Variants in IL1RAPL1 observed in about 807,000 individuals in gnomAD.
IL1RAPL1 encodes the protein interleukin-1 receptor accessory protein-like 1.
A neutral mutation model predicts 48.4 loss-of-function variants in IL1RAPL1; 3 were observed. The ratio of observed to expected loss-of-function variants is 0.06; its 90% CI spans 0.03 to 0.16. IL1RAPL1 has a LOEUF of 0.16. Among genes scored for constraint, IL1RAPL1 ranks in the 10% least tolerant of loss-of-function variants. The probability of loss-of-function intolerance (pLI) is 1.00; values close to 1 mark genes in which losing one functional copy is unlikely to be tolerated. For synonymous variants in IL1RAPL1, 185 were observed against 187.7 expected, an observed-to-expected ratio of 0.99 and a Z score of 0.12; for missense variants, 349 against 530.6, an observed-to-expected ratio of 0.66 and a Z score of 3.36.
At chrX:29,502,432 G>A (rs186889523) in intron 5 of IL1RAPL1, among the ~76,000 whole-genome samples, 1 of 111,201 alleles carries the variant, frequency 9.0e-6, no homozygotes, top group African/African-American at 3.3e-5. Context: ...TTCTCACTTA[G>A]TACAATATTA....
intron 7 of IL1RAPL1, 70 bp downstream of exon 7, chrX:29,917,666 C>A: frequency 1.0e-6 from 1 of 954,184 alleles, no homozygotes; most frequent in Non-Finnish European, 1.5e-6. Context: ...AGAAAGTAAG[C>A]TGAAAGGATT....
Position 29,081,032 on chromosome X carries a change from T to C in IL1RAPL1, c.83-201906T>C, listed in dbSNP as rs867064154. 3.5e-3 allele frequency among the ~76,000 whole-genome samples: 284 copies of C among 81,691 alleles called. 10 individuals carry two copies. Among genetic ancestry groups the C allele is most frequent in the South Asian group, 8.6e-3 (13 of 1,514 alleles). The allele number at this position is 81,691 out of a possible 115,157, so 70.9% of individuals were successfully genotyped here. A position where few individuals can be genotyped will look rare whatever the true frequency, so the allele number is the denominator to read the frequency against. On this transcript the variant is annotated intron_variant, in intron 2 of 10. Coordinates refer to ENST00000378993, the MANE Select transcript of IL1RAPL1 (RefSeq NM_014271.4). Reference sequence around the variant, plus strand: ...TCTCTCTCTCTCTCTTTCTTTTCTTTTCTTTTCTTTTCTTTTCTTTTCTTT... The same window carrying C: ...TCTCTCTCTCTCTCTTTCTTTTCTTCTCTTTTCTTTTCTTTTCTTTTCTTT...
chrX:29,137,865 A>G (rs1471482464), intron 2 of IL1RAPL1, among the ~76,000 whole-genome samples: 1 of 112,766 alleles, frequency 8.9e-6, no homozygotes, highest in Non-Finnish European at 1.9e-5. Flanking sequence ...GTGACCTTTT[A>G]TAAGTCACTT....
intron 2 of IL1RAPL1, among the ~76,000 whole-genome samples, chrX:29,030,669 A>T (rs952540264): frequency 9.0e-6 from 1 of 111,651 alleles, no homozygotes; most frequent in African/African-American, 3.2e-5. Context: ...AATATGTTGA[A>T]CATGGTAGTT....
chrX:29,869,123 G>A (rs768957516), intron 6 of IL1RAPL1, among the ~76,000 whole-genome samples: 18 of 111,964 alleles, frequency 1.6e-4, no homozygotes, highest in Non-Finnish European at 3.0e-4. Flanking sequence ...TATATCTCCT[G>A]GAATTTTAAA....
intron 1 of IL1RAPL1, among the ~76,000 whole-genome samples, chrX:28,654,601 G>T (rs182498571): frequency 8.9e-6 from 1 of 112,255 alleles, no homozygotes; most frequent in Non-Finnish European, 1.9e-5. Context: ...TGTTTGTCAA[G>T]ATTATGTCAG....
chrX:29,855,031 C>A (rs1180987224), intron 6 of IL1RAPL1, among the ~76,000 whole-genome samples: 1 of 112,020 alleles, frequency 8.9e-6, no homozygotes, highest in Non-Finnish European at 1.9e-5. Flanking sequence ...ACACCCATGG[C>A]TGTCACTGAA....
At chrX:29,802,864 C>T (rs1206851599) in intron 6 of IL1RAPL1, among the ~76,000 whole-genome samples, 9 of 75,111 alleles carry the variant, frequency 1.2e-4, no homozygotes, top group African/African-American at 4.4e-4. Context: ...TATACGTGTA[C>T]ATATGTATAC....
Position 29,715,652 on chromosome X carries a change from C to A in IL1RAPL1, c.778+47148C>A, listed in dbSNP as rs144094808. ...TTCTGGCTAAGCATTCTTTTCTACC[C>A]TATCCTGCTTCTTCCACTCTCCTTC... On this transcript the variant is annotated intron_variant, in intron 6 of 10. Coordinates refer to ENST00000378993, the MANE Select transcript of IL1RAPL1 (RefSeq NM_014271.4). 3.9e-3 allele frequency among the ~76,000 whole-genome samples: 435 copies of A among 111,532 alleles called. 11 individuals carry two copies. In the East Asian group the frequency reaches 0.087, roughly 22 times the overall value.
chrX:29,504,544 T>C (rs1935308487), intron 5 of IL1RAPL1, among the ~76,000 whole-genome samples: 1 of 112,115 alleles, frequency 8.9e-6, no homozygotes, highest in Admixed American at 9.4e-5. Flanking sequence ...TTTATAATTG[T>C]TCCATTCTCT....
chrX:28,834,046 G>A (rs1175179821), intron 2 of IL1RAPL1, among the ~76,000 whole-genome samples: 2 of 111,262 alleles, frequency 1.8e-5, no homozygotes, highest in African/African-American at 6.5e-5. Flanking sequence ...TAGATCTTGA[G>A]TGAGTAATTC....
intron 9 of IL1RAPL1, 133 bp from the exon 10 acceptor site, chrX:29,954,389 T>C: frequency 1.9e-6 from 1 of 525,188 alleles, no homozygotes; most frequent in Non-Finnish European, 3.3e-6. Context: ...TGAAACTTAA[T>C]GAAGGCTTCA....
At chrX:29,943,731 G>C (rs1196768951) in intron 9 of IL1RAPL1, among the ~76,000 whole-genome samples, 1 of 111,868 alleles carries the variant, frequency 8.9e-6, no homozygotes, top group Non-Finnish European at 1.9e-5. Flanking sequence ...TTCTAGGGCA[G>C]TAATCTGTCA....
intron 3 of IL1RAPL1, among the ~76,000 whole-genome samples, chrX:29,323,716 TATATATATATATATA>T (rs1932821452): frequency 2.6e-4 from 1 of 3,798 alleles, no homozygotes; most frequent in Non-Finnish European, 3.7e-4. Flanking sequence ...GAATTTTTTA[TATATATATATATATA>T]TATATATATA....
At chrX:29,552,472 T>C (rs977372605) in intron 5 of IL1RAPL1, among the ~76,000 whole-genome samples, 17 of 111,482 alleles carry the variant, frequency 1.5e-4, no homozygotes, top group African/African-American at 5.5e-4. Context: ...CATACCATGG[T>C]TTCACTCATT....
chrX:29,142,715 G>C (rs1236000515), intron 2 of IL1RAPL1, among the ~76,000 whole-genome samples: 1 of 106,623 alleles, frequency 9.4e-6, no homozygotes, highest in Non-Finnish European at 1.9e-5. Flanking sequence ...TTTTTTTGGA[G>C]ACACAGTCTT....
At chrX:28,895,858 T>C (rs1436659076) in intron 2 of IL1RAPL1, among the ~76,000 whole-genome samples, 1 of 112,049 alleles carries the variant, frequency 8.9e-6, no homozygotes, top group East Asian at 2.8e-4. Flanking sequence ...AGTCTTCAGC[T>C]GCTAAGCCGA....
In IL1RAPL1 at chrX:28,809,592, T is replaced by C. The variant is rs139155213; in HGVS notation, c.82+20167T>C. On this transcript the variant is annotated intron_variant, in intron 2 of 10. Coordinates refer to ENST00000378993, the MANE Select transcript of IL1RAPL1 (RefSeq NM_014271.4). ...GATGACAGGTAGTGACGAAGAATCATGCAGTGAGTCAAATTGTAAAGTTTT... is the reference window on the plus strand; with the variant it reads ...GATGACAGGTAGTGACGAAGAATCACGCAGTGAGTCAAATTGTAAAGTTTT... Among the ~76,000 whole-genome samples, 57 of 110,546 alleles carry C rather than the reference T, an allele frequency of 5.2e-4. 1 individual carries two copies. The East Asian group carries it at 0.011, about 22-fold the overall frequency.
At chrX:28,952,629 A>G (rs954704085) in intron 2 of IL1RAPL1, among the ~76,000 whole-genome samples, 11 of 111,324 alleles carry the variant, frequency 9.9e-5, no homozygotes, top group Non-Finnish European at 1.7e-4. Context: ...ATCTGCTAGT[A>G]TCACTAAGAA....
Sources: gnomAD v4.1 joint callset for allele counts (sites outside exome capture counted in the v4.1 genomes callset) on GRCh38, gnomAD v4.1.1 for gene constraint, MANE v1.5 for transcripts, NCBI Gene and HGNC (gene_info 2026-07-23, HGNC 2026-07-21) for gene names.